Variants in ATXN10 observed in about 807,000 individuals in gnomAD.
ATXN10 encodes ataxin 10, also known as ataxin-10.
Under a neutral mutation model 52.9 loss-of-function variants are expected in ATXN10, and 28 were observed. The ratio of observed to expected loss-of-function variants is 0.53; its 90% confidence interval spans 0.39 to 0.73. The LOEUF (loss-of-function observed/expected upper bound fraction) is 0.73, where lower values mean the gene tolerates loss of function less well. Ranked by LOEUF, ATXN10 falls within the 30% of genes least tolerant of loss-of-function variation. The probability of loss-of-function intolerance (pLI) is 0.00; values close to 1 mark genes in which losing one functional copy is unlikely to be tolerated. For synonymous variants in ATXN10, 226 were observed against 221.5 expected (o/e 1.02, Z -0.18); for missense variants, 565 against 577.0 (o/e 0.98, Z 0.21).
At chr22:45,714,777 A>G (rs1027971358) in intron 5 of ATXN10, among the ~76,000 whole-genome samples, 2 of 152,226 alleles carry the variant, frequency 1.3e-5, no homozygotes, top group African/African-American at 2.4e-5. Context: ...GATAATAGCT[A>G]TAAAGGCCTT....
chr22:45,689,173 G>A (rs1923269240), intron 1 of ATXN10, among the ~76,000 whole-genome samples: 1 of 152,216 alleles, frequency 6.6e-6, no homozygotes, highest in Admixed American at 6.5e-5. Flanking sequence ...TAGTATCCTT[G>A]TCCTACAGGA....
intron 3 of ATXN10, among the ~76,000 whole-genome samples, chr22:45,694,016 T>C (rs191269601): frequency 1.3e-5 from 2 of 152,280 alleles, no homozygotes; most frequent in Admixed American, 1.3e-4. Flanking sequence ...ATTCAAACAG[T>C]GACCAAAACA....
intron 10 of ATXN10, among the ~76,000 whole-genome samples, chr22:45,831,557 C>G (rs1928993225): frequency 6.6e-6 from 1 of 152,176 alleles, no homozygotes; most frequent in Non-Finnish European, 1.5e-5. Flanking sequence ...TTGAGTGCCT[C>G]TTTTCATGCC....
intron 6 of ATXN10, among the ~76,000 whole-genome samples, chr22:45,722,336 A>G (rs1419842007): frequency 2.0e-5 from 3 of 152,222 alleles, no homozygotes; most frequent in Non-Finnish European, 4.4e-5. Flanking sequence ...ATACCAGACT[A>G]AAGAGCTTTT....
rs1929309847 is a variant in ATXN10 at position 45,840,457 on chromosome 22, AGT to A, written c.1238-2530_1238-2529del. On this transcript the variant is annotated intron_variant, in intron 10 of 11. Coordinates refer to ENST00000252934, the MANE Select transcript of ATXN10 (RefSeq NM_013236.4). The surrounding 1 kb of genome is among the most constrained non-coding windows in gnomAD (Gnocchi z 5.8). The stretch of plus-strand genomic sequence containing the variant: ...GATACTTGCTGAGTCTCGAAGGCTA[AGT>A]GTGCCCCATGAGAAAGGAAGCAGCA... 6.6e-6 allele frequency among the ~76,000 whole-genome samples: 1 copy of A among 152,202 alleles called. No individual in the cohort carries two copies. The highest frequency in any genetic ancestry group is 1.9e-4 in the East Asian group (1 of 5,194).
intron 4 of ATXN10, 22 bp downstream of exon 4, chr22:45,700,400 T>C: frequency 6.4e-7 from 1 of 1,567,972 alleles, no homozygotes; most frequent in Non-Finnish European, 8.8e-7. Flanking sequence ...GATAAGCATT[T>C]TTCTAACTTG....
At chr22:45,768,152 T>C (rs1926652196) in intron 9 of ATXN10, among the ~76,000 whole-genome samples, 1 of 152,168 alleles carries the variant, frequency 6.6e-6, no homozygotes, top group African/African-American at 2.4e-5. Context: ...AGAACTAAAA[T>C]CGTTGAGCCC....
chr22:45,752,257 A>G lies in ATXN10; in HGVS notation c.1173+11719A>G, dbSNP rs939288543. Among the ~76,000 whole-genome samples, 10 of 152,194 alleles carry G rather than the reference A, an allele frequency of 6.6e-5. No individual in the cohort carries two copies. The South Asian group carries it at 1.4e-3, about 22-fold the overall frequency. On this transcript the variant is annotated intron_variant, in intron 9 of 11. Transcript: ENST00000252934. ...GGGAATGCAGAAATGGATTTGGCCT[A>G]CTGTTCTCTCGAGGAATTCACAGTG...
intron 3 of ATXN10, among the ~76,000 whole-genome samples, chr22:45,694,810 C>T (rs1367602600): frequency 6.8e-6 from 1 of 147,762 alleles, no homozygotes; most frequent in East Asian, 2.0e-4. Context: ...GGCATGGTGG[C>T]ACACGCCTGT....
chr22:45,784,760 G>A lies in ATXN10; in HGVS notation c.1174-22199G>A, dbSNP rs1250648112. 6.6e-6 allele frequency among the ~76,000 whole-genome samples: 1 copy of A among 152,172 alleles called. No individual in the cohort carries two copies. The highest frequency in any genetic ancestry group is 6.5e-5 in the Admixed American group (1 of 15,284). ...GTGTGGCAGATTCCCAGCACGGGCT[G>A]GACACTTGAGCTCCCAGCAAGCCTT... On this transcript the variant is annotated intron_variant, in intron 9 of 11. Transcript: ENST00000252934. This position sits in a 1 kb window ranked among gnomAD's most constrained non-coding sequence, Gnocchi z 4.2.
chr22:45,727,348 T>TATC lies in ATXN10; in HGVS notation c.729-2076_729-2074dup, dbSNP rs897432454. The stretch of plus-strand genomic sequence containing the variant: ...ATCTATCTATATCTATCTATCTATC[T>TATC]ATCTATCTATCTATCTATCTATCTA... On this transcript the variant is annotated intron_variant, in intron 6 of 11. Coordinates refer to ENST00000252934, the MANE Select transcript of ATXN10 (RefSeq NM_013236.4). The surrounding 1 kb of genome is among the most constrained non-coding windows in gnomAD (Gnocchi z 4.6). 6.6e-6 allele frequency among the ~76,000 whole-genome samples: 1 copy of TATC among 151,738 alleles called. No homozygotes were observed. The highest frequency in any genetic ancestry group is 2.4e-5 in the African/African-American group (1 of 41,290).
At chr22:45,709,185 G>A (rs193005852) in intron 5 of ATXN10, among the ~76,000 whole-genome samples, 4 of 152,202 alleles carry the variant, frequency 2.6e-5, no homozygotes, top group East Asian at 1.9e-4. Context: ...TTCTGTTCGC[G>A]CACAACAGCC....
At position 45,701,775 on chromosome 22, in the gene ATXN10, A is replaced by G. The variant is rs1391874273; in HGVS notation, c.489-914A>G. Among the ~76,000 whole-genome samples, 1 of 152,218 alleles carries G rather than the reference A, an allele frequency of 6.6e-6. No individual in the cohort carries two copies. The highest frequency in any genetic ancestry group is 1.5e-5 in the Non-Finnish European group (1 of 68,032). The stretch of plus-strand genomic sequence containing the variant: ...CAGGCACATAGGTTGTGATGTAAGA[A>G]CTAAGGTAATTAGGGCAAATCCAGG... On this transcript the variant is annotated intron_variant, in intron 4 of 11. Transcript: ENST00000252934. The surrounding 1 kb of genome is among the most constrained non-coding windows in gnomAD (Gnocchi z 4.2).
Position 45,780,177 on chromosome 22 carries a change from A to G in ATXN10, c.1174-26782A>G, listed in dbSNP as rs1197483566. Reference sequence around the variant, plus strand: ...TGGTTCACTGCAACCTCCACCTCCCAGGTTCAAGCGATTACCCTGCTTCAG... The same window carrying G: ...TGGTTCACTGCAACCTCCACCTCCCGGGTTCAAGCGATTACCCTGCTTCAG... On this transcript the variant is annotated intron_variant, in intron 9 of 11. Coordinates refer to ENST00000252934, the MANE Select transcript of ATXN10 (RefSeq NM_013236.4). This position sits in a 1 kb window ranked among gnomAD's most constrained non-coding sequence, Gnocchi z 4.0. Among the ~76,000 whole-genome samples the G allele has an allele frequency of 6.6e-6, 1 of 151,540 alleles. No individual in the cohort carries two copies. Among genetic ancestry groups the G allele is most frequent in the Non-Finnish European group, 1.5e-5 (1 of 67,920 alleles).
At chr22:45,731,832 C>T (rs571744697) in intron 7 of ATXN10, among the ~76,000 whole-genome samples, 33 of 152,236 alleles carry the variant, frequency 2.2e-4, no homozygotes, top group African/African-American at 7.2e-4. Context: ...CTAATCATTT[C>T]GTTAACTTTA....
chr22:45,672,265 C>T (rs1922484620), intron 1 of ATXN10, 86 bp downstream of exon 1: 8 of 1,238,392 alleles, frequency 6.5e-6, no homozygotes, highest in Non-Finnish European at 8.1e-6. Context: ...CCAGGCGCCG[C>T]CCCCGCCTCG....
In ATXN10 at chr22:45,844,273, T is replaced by C. The variant is rs1601682730; in HGVS notation, c.*602T>C. ...GGAATGTGGCAGGGAGTGAGGTTGG[T>C]GAGAGAACATGTGGGCACTTAACTC... is the stretch of plus-strand genomic sequence containing the variant. On this transcript the variant is annotated 3_prime_UTR_variant, in exon 12 of 12. Coordinates refer to ENST00000252934, the MANE Select transcript of ATXN10 (RefSeq NM_013236.4). 6.4e-6 allele frequency: 1 copy of C among 156,684 alleles called. No homozygotes were observed. The highest frequency in any genetic ancestry group is 2.0e-4 in the South Asian group (1 of 5,120). The allele number at this position is 156,684 out of a possible 1,614,324, so 9.7% of individuals were successfully genotyped here.
Position 45,683,706 on chromosome 22 carries a change from C to T in ATXN10, c.117-6006C>T, listed in dbSNP as rs1348461303. Among the ~76,000 whole-genome samples, 1 of 152,222 alleles carries T rather than the reference C, an allele frequency of 6.6e-6. No homozygotes were observed. The highest frequency in any genetic ancestry group is 6.5e-5 in the Admixed American group (1 of 15,280). ...GTCTTCCATGTAATTCCTAAATCCA[C>T]CTGGAGTTACTTTTTGGGTAGTGTA... On this transcript the variant is annotated intron_variant, in intron 1 of 11. Coordinates refer to ENST00000252934, the MANE Select transcript of ATXN10 (RefSeq NM_013236.4). The surrounding 1 kb of genome is among the most constrained non-coding windows in gnomAD (Gnocchi z 4.8).
In ATXN10 at chr22:45,688,459, A is replaced by G. The variant is rs956241148; in HGVS notation, c.117-1253A>G. Among the ~76,000 whole-genome samples, 6 of 152,258 alleles carry G rather than the reference A, an allele frequency of 3.9e-5. No homozygotes were observed. The highest frequency in any genetic ancestry group is 6.5e-5 in the Admixed American group (1 of 15,290). The stretch of plus-strand genomic sequence containing the variant: ...GGTCATAAATTTGACTCCAGACTTA[A>G]GAAAGGCCCCGACAGAGAGAAAACA... On this transcript the variant is annotated intron_variant, in intron 1 of 11. Transcript: ENST00000252934. This position sits in a 1 kb window ranked among gnomAD's most constrained non-coding sequence, Gnocchi z 4.0.
Sources: gnomAD v4.1 joint callset for allele counts (sites outside exome capture counted in the v4.1 genomes callset) on GRCh38, gnomAD v4.1.1 for gene constraint, Gnocchi (gnomAD v3.1) non-coding constraint, MANE v1.5 for transcripts, NCBI Gene and HGNC (gene_info 2026-07-23, HGNC 2026-07-21) for gene names.